The following MN1 variants were observed in gnomAD, a reference collection of about 807,000 sequenced individuals.
MN1 encodes the protein transcriptional activator MN1.
A neutral mutation model predicts 86.9 loss-of-function variants in MN1; 19 were observed. The ratio of observed to expected loss-of-function variants is 0.22; its 90% CI spans 0.15 to 0.32. The LOEUF (loss-of-function observed/expected upper bound fraction) is 0.32. Ranked by LOEUF, MN1 falls within the 10% of genes least tolerant of loss-of-function variation. MN1 has a pLI of 1.00. For synonymous variants in MN1, 928 were observed against 849.6 expected, an observed-to-expected ratio of 1.09 and a Z score of -1.60; for missense variants, 1,841 against 1,862.0, an observed-to-expected ratio of 0.99 and a Z score of 0.21.
chr22:27,801,666 A>G lies in MN1; in HGVS notation c.-1123T>C, dbSNP rs1177183146. On this transcript the variant is annotated 5_prime_UTR_variant, in exon 1 of 2. Transcript: ENST00000302326. ...GGGGGGTCTGCGCACCCCTCTCCCG[A>G]CTAGCGGGGGGGCTCTGCGTGGGGC... Among the ~76,000 whole-genome samples, 1 of 151,492 alleles carries G rather than the reference A, an allele frequency of 6.6e-6. No individual in the cohort carries two copies. The highest frequency in any genetic ancestry group is 1.5e-5 in the Non-Finnish European group (1 of 67,814).
chr22:27,798,481 C>A lies in MN1; in HGVS notation c.2063G>T (p.Gly688Val). The change falls in exon 1 of 2, where the codon GGA becomes GTA. Residue 688 changes from glycine (G) to valine (V), a missense_variant. Physicochemically the swap from Gly to Val is moderately radical, Grantham distance 109. Transcript: ENST00000302326. ...AGGCAGCGCGGGCACGTGGCCCTCT[C>A]CGGGCATCCTCATCGGCTCCTGCAG... ...GPLQEPMRMP[G>V]EGHVPALPSP... 6.4e-7 allele frequency: 1 copy of A among 1,560,436 alleles called. No individual in the cohort carries two copies. Among genetic ancestry groups the A allele is most frequent in the South Asian group, 1.2e-5 (1 of 85,202 alleles).
At position 27,796,987 on chromosome 22, in the gene MN1, G is replaced by C. The variant is rs1490039052; in HGVS notation, c.3557C>G (p.Ala1186Gly). ...ATTCTGCGCCCCTGAGGCCCCGACG[G>C]CGCACTCACCCTTCTTGCCACCCTT... is the stretch of plus-strand genomic sequence containing the variant. ...GLKGGKKGEC[A>G]VGASGAQNGD... The change falls in exon 1 of 2, where the codon GCC (alanine) becomes GGC (glycine). Residue 1186 changes from alanine to glycine, a missense_variant. By Grantham distance (60) the Ala-to-Gly change is moderately conservative (BLOSUM62 0). Coordinates refer to ENST00000302326, the MANE Select transcript of MN1 (RefSeq NM_002430.3). 5 of 1,612,394 alleles carry C rather than the reference G, an allele frequency of 3.1e-6. No individual in the cohort carries two copies. Among genetic ancestry groups the C allele is most frequent in the Non-Finnish European group, 4.2e-6 (5 of 1,179,694 alleles).
intron 1 of MN1, among the ~76,000 whole-genome samples, chr22:27,776,850 A>G (rs951015887): frequency 6.6e-6 from 1 of 152,180 alleles, no homozygotes; most frequent in Non-Finnish European, 1.5e-5. Flanking sequence ...GAAGAGCCCA[A>G]AGGAACTGGC....
At chr22:27,782,020 G>A (rs911140741) in intron 1 of MN1, among the ~76,000 whole-genome samples, 13 of 152,190 alleles carry the variant, frequency 8.5e-5, no homozygotes, top group East Asian at 3.9e-4. Context: ...ATCAGGGGCC[G>A]CGGACCAGCT....
At chr22:27,753,692 A>T (rs981622381) in intron 1 of MN1, among the ~76,000 whole-genome samples, 2 of 151,878 alleles carry the variant, frequency 1.3e-5, no homozygotes, top group Non-Finnish European at 2.9e-5. Flanking sequence ...TGTTGTTAAT[A>T]CCCCACCCAG....
chr22:27,785,176 A>AAC (rs1165027454), intron 1 of MN1, among the ~76,000 whole-genome samples: 3 of 152,178 alleles, frequency 2.0e-5, no homozygotes, highest in Admixed American at 2.0e-4. Flanking sequence ...CGCTAAAGCA[A>AAC]ACACACCAAG....
intron 1 of MN1, among the ~76,000 whole-genome samples, chr22:27,781,870 T>A (rs545800906): frequency 6.6e-6 from 1 of 152,096 alleles, no homozygotes; most frequent in Non-Finnish European, 1.5e-5. Flanking sequence ...TCTCTCTCTC[T>A]CTCTTGCTCT....
intron 1 of MN1, among the ~76,000 whole-genome samples, chr22:27,763,158 C>T (rs1161876578): frequency 6.6e-6 from 1 of 152,196 alleles, no homozygotes; most frequent in Non-Finnish European, 1.5e-5. Flanking sequence ...ATTAGAGCCT[C>T]ATTGCTTCCA....
Position 27,798,351 on chromosome 22 carries a change from CG to C in MN1, c.2192del (p.Pro731ArgfsTer33). 1 of 1,504,816 alleles carries C rather than the reference CG, an allele frequency of 6.6e-7. No homozygotes were observed. The highest frequency in any genetic ancestry group is 1.2e-5 in the South Asian group (1 of 80,246). The allele number at this position is 1,504,816 out of a possible 1,614,324, so 93.2% of individuals were successfully genotyped here. A position where few individuals can be genotyped will look rare whatever the true frequency, so the allele number is the denominator to read the frequency against. ...GCGCAGACGTAGCAAAGTCCGGCGGCGGGGGCCGGCGCTCCGAAGCAGCGCT... is the reference window on the plus strand; with the variant it reads ...GCGCAGACGTAGCAAAGTCCGGCGGCGGGGCCGGCGCTCCGAAGCAGCGCT... ...LPSAASERRP[P>X]PPDFATSALG... On this transcript the variant is annotated frameshift_variant, in exon 1 of 2. Transcript: ENST00000302326. LOFTEE classifies it high-confidence loss of function.
At chr22:27,773,995 G>A (rs144473801) in intron 1 of MN1, among the ~76,000 whole-genome samples, 11 of 152,152 alleles carry the variant, frequency 7.2e-5, no homozygotes, top group African/African-American at 2.2e-4. Flanking sequence ...CCACCCCCAC[G>A]GTGCCCTCTC....
intron 1 of MN1, among the ~76,000 whole-genome samples, chr22:27,791,391 G>A (rs531610443): frequency 1.4e-4 from 22 of 151,802 alleles, no homozygotes; most frequent in African/African-American, 5.3e-4. Context: ...CCCAAGACGC[G>A]CCTAAATATA....
chr22:27,763,508 T>A (rs959609848), intron 1 of MN1, among the ~76,000 whole-genome samples: 2 of 152,208 alleles, frequency 1.3e-5, no homozygotes, highest in Non-Finnish European at 2.9e-5. Context: ...GCCACTTTGA[T>A]GCCTCCACTG....
chr22:27,794,025 A>T (rs1933250458), intron 1 of MN1, among the ~76,000 whole-genome samples: 1 of 152,196 alleles, frequency 6.6e-6, no homozygotes, highest in Non-Finnish European at 1.5e-5. Flanking sequence ...GTACCTAGAG[A>T]AGGTCCATTC....
chr22:27,765,352 C>T (rs1380786128), intron 1 of MN1, among the ~76,000 whole-genome samples: 1 of 152,176 alleles, frequency 6.6e-6, no homozygotes, highest in Non-Finnish European at 1.5e-5. Flanking sequence ...CAGCAGAAAC[C>T]TCTTTGTCTT....
rs1164251481 is a variant in MN1 at position 27,798,243 on chromosome 22, G to A, written c.2301C>T (p.Pro767=). Residue 767 remains proline, a synonymous_variant, in exon 1 of 2, where the codon CCC becomes CCT. Transcript: ENST00000302326. ...AGCTGCCACCGCCCCCTCCCGCGCT[G>A]GGGGGCGAGTTCACGCCTGGACCGC... ...PHSGPGVNSP[P]SAGGGGGSSG... is the part of the protein sequence containing the mutation. 6.6e-7 allele frequency: 1 copy of A among 1,516,788 alleles called. No individual in the cohort carries two copies. Among genetic ancestry groups the A allele is most frequent in the South Asian group, 1.2e-5 (1 of 80,158 alleles). 94.0% of individuals were successfully genotyped at this position (1,516,788 alleles called of 1,614,324 possible). A position where few individuals can be genotyped will look rare whatever the true frequency, so the allele number is the denominator to read the frequency against.
Position 27,799,279 on chromosome 22 carries a change from T to C in MN1, c.1265A>G (p.Tyr422Cys). 1 of 1,586,496 alleles carries C rather than the reference T, an allele frequency of 6.3e-7. No homozygotes were observed. Among genetic ancestry groups the C allele is most frequent in the South Asian group, 1.1e-5 (1 of 87,918 alleles). Residue 422 changes from tyrosine (Y) to cysteine (C), a missense_variant, in exon 1 of 2, where the codon TAT (tyrosine) becomes TGT (cysteine). Tyr to Cys is a radical substitution (Grantham distance 194). Transcript: ENST00000302326. Reference sequence around the variant, plus strand: ...CTGCATGCTGAAAACAGGCTCGGAATAAGGGTGCATGCTCCGGTTCTCCAG... The same window carrying C: ...CTGCATGCTGAAAACAGGCTCGGAACAAGGGTGCATGCTCCGGTTCTCCAG... The part of the protein sequence containing the change: ...HRLENRSMHP[Y>C]SEPVFSMQHP...
chr22:27,798,134 C>A lies in MN1; in HGVS notation c.2410G>T (p.Ala804Ser). The A allele has an allele frequency of 6.2e-7, 1 of 1,604,186 alleles. No individual in the cohort carries two copies. Among genetic ancestry groups the A allele is most frequent in the Non-Finnish European group, 8.5e-7 (1 of 1,177,622 alleles). Residue 804 changes from alanine (A) to serine (S), a missense_variant, in exon 1 of 2, where the codon GCG becomes TCG. Physicochemically the swap from Ala to Ser is moderately conservative, Grantham distance 99. Transcript: ENST00000302326. ...SQRTSASKLG[A>S]LSLGSFNKPS... ...TTGTTGAAGGAGCCCAGCGAGAGCGCGCCCAATTTACTGGCCGAGGTGCGC... is the reference window on the plus strand; with the variant it reads ...TTGTTGAAGGAGCCCAGCGAGAGCGAGCCCAATTTACTGGCCGAGGTGCGC...
intron 1 of MN1, among the ~76,000 whole-genome samples, chr22:27,772,962 G>A (rs1158877361): frequency 6.6e-6 from 1 of 151,674 alleles, no homozygotes; most frequent in South Asian, 2.1e-4. Flanking sequence ...CTGGGGTGGG[G>A]GAGAATCAGG....
intron 1 of MN1, among the ~76,000 whole-genome samples, chr22:27,795,721 A>G: frequency 7.1e-6 from 1 of 141,356 alleles, no homozygotes; most frequent in East Asian, 2.0e-4. Flanking sequence ...ACCTATATAT[A>G]TACACACACA....
Sources: allele counts gnomAD v4.1 joint callset (sites outside exome capture counted in the v4.1 genomes callset), GRCh38; gene constraint gnomAD v4.1.1; transcripts MANE v1.5; gene names NCBI Gene and HGNC (gene_info 2026-07-23, HGNC 2026-07-21).